The following LINGO2 variants were observed in gnomAD, a reference collection of about 807,000 sequenced individuals.
LINGO2 encodes leucine rich repeat and Ig domain containing 2, also known as leucine-rich repeat and immunoglobulin-like domain-containing nogo receptor-interacting protein 2.
Under a neutral mutation model 30.6 loss-of-function variants are expected in LINGO2, and 14 were observed. That is an observed-to-expected ratio of 0.46 (90% CI 0.30 to 0.72). The LOEUF (loss-of-function observed/expected upper bound fraction) is 0.72, where lower values mean the gene tolerates loss of function less well. LINGO2 is among the 30% of genes least tolerant of loss of function. The pLI is 0.07. For missense variants in LINGO2, 729 were observed against 751.7 expected, an observed-to-expected ratio of 0.97 and a Z score of 0.35; for synonymous variants, 317 against 288.5, an observed-to-expected ratio of 1.10 and a Z score of -1.00.
At chr9:28,508,627 A>G (rs946304011) in intron 1 of LINGO2, among the ~76,000 whole-genome samples, 1 of 151,998 alleles carries the variant, frequency 6.6e-6, no homozygotes, top group African/African-American at 2.4e-5. Flanking sequence ...TTTGTCTTGG[A>G]TTCCACAATA....
chr9:29,043,046 T>C, the LINGO2 span, among the ~76,000 whole-genome samples: 19 of 152,006 alleles, frequency 1.2e-4, no homozygotes, highest in East Asian at 3.5e-3. Context: ...GTATTTATTT[T>C]AGAGCACTAT....
chr9:28,908,454 C>A, the LINGO2 span, among the ~76,000 whole-genome samples: 4 of 151,766 alleles, frequency 2.6e-5, no homozygotes, highest in African/African-American at 9.7e-5. Context: ...AGAAAACAAA[C>A]AACAATACCA....
intron 4 of LINGO2, among the ~76,000 whole-genome samples, chr9:28,078,357 T>TA (rs1416333445): frequency 6.7e-6 from 1 of 148,904 alleles, no homozygotes; most frequent in Non-Finnish European, 1.5e-5. Flanking sequence ...GCAGAATAGG[T>TA]ATTAAAGGAC....
chr9:28,707,518 A>G, the LINGO2 span, among the ~76,000 whole-genome samples: 1 of 152,110 alleles, frequency 6.6e-6, no homozygotes, highest in Admixed American at 6.6e-5. Flanking sequence ...AAACAAAACA[A>G]AACCTGAAAT....
chr9:28,524,494 C>T (rs1820940290), intron 1 of LINGO2, among the ~76,000 whole-genome samples: 2 of 152,064 alleles, frequency 1.3e-5, no homozygotes, highest in Non-Finnish European at 2.9e-5. Flanking sequence ...GTGGCTCACG[C>T]CTGTAATCAC....
chr9:28,912,199 A>G, the LINGO2 span, among the ~76,000 whole-genome samples: 1 of 152,156 alleles, frequency 6.6e-6, no homozygotes, highest in African/African-American at 2.4e-5. Context: ...TAAAGCTAAA[A>G]GCCTATAAAG....
At chr9:28,544,929 G>A (rs931652116) in intron 1 of LINGO2, among the ~76,000 whole-genome samples, 13 of 151,342 alleles carry the variant, frequency 8.6e-5, no homozygotes, top group Non-Finnish European at 1.8e-4. Flanking sequence ...ATTAGAAAAC[G>A]GACTCAGAGG....
At chr9:27,966,148 T>C (rs1820090355) in intron 5 of LINGO2, among the ~76,000 whole-genome samples, 1 of 152,116 alleles carries the variant, frequency 6.6e-6, no homozygotes. Context: ...AAGGAAGTAC[T>C]GAAAACCCTT....
chr9:28,090,816 C>G (rs570912644), intron 4 of LINGO2, among the ~76,000 whole-genome samples: 28 of 152,172 alleles, frequency 1.8e-4, no homozygotes, highest in African/African-American at 6.3e-4. Context: ...CAGAAAACCC[C>G]ATCGTCTTAG....
chr9:28,079,300 C>G (rs916172662), intron 4 of LINGO2, among the ~76,000 whole-genome samples: 1 of 151,994 alleles, frequency 6.6e-6, no homozygotes, highest in Non-Finnish European at 1.5e-5. Flanking sequence ...GGAGAGCATA[C>G]CCAATATGAG....
chr9:29,014,494 T>C, the LINGO2 span, among the ~76,000 whole-genome samples: 2 of 152,062 alleles, frequency 1.3e-5, no homozygotes, highest in Non-Finnish European at 2.9e-5. Flanking sequence ...ACTCACTTTA[T>C]AACACTATGA....
intron 3 of LINGO2, among the ~76,000 whole-genome samples, chr9:28,321,922 AC>A (rs1381256765): frequency 6.6e-6 from 1 of 152,210 alleles, no homozygotes; most frequent in African/African-American, 2.4e-5. Context: ...AAGAAAAAAA[AC>A]AAACTCAACA....
At position 28,402,687 on chromosome 9, in the gene LINGO2, C is replaced by T. The variant is rs138893684; in HGVS notation, c.-278-29819G>A. ...TCTGTTTAGATCAGAATTAACTCTA[C>T]AAAGGTCCTTTTCTAAGGCACACAT... On this transcript the variant is annotated intron_variant, in intron 2 of 5. Transcript: ENST00000379992. Among the ~76,000 whole-genome samples the T allele has an allele frequency of 2.9e-3, 443 of 152,060 alleles. 5 individuals are homozygous for T. The highest frequency in any genetic ancestry group is 3.0e-3 in the Non-Finnish European group (206 of 67,986).
intron 3 of LINGO2, among the ~76,000 whole-genome samples, chr9:28,359,906 A>C (rs1230507962): frequency 6.6e-6 from 1 of 152,172 alleles, no homozygotes; most frequent in Non-Finnish European, 1.5e-5. Context: ...GGGCTGAGGC[A>C]GTGAGGTACA....
Position 28,028,896 on chromosome 9 carries a change from T to A in LINGO2, c.-86-16491A>T, listed in dbSNP as rs148984056. ...AAGCACACATTTGTAATCATCCAAA[T>A]TTTACCTCTTCTGAGCCTATGGAAC... On this transcript the variant is annotated intron_variant, in intron 4 of 5. Transcript: ENST00000379992. Among the ~76,000 whole-genome samples the A allele has an allele frequency of 1.9e-3, 284 of 152,172 alleles. 2 individuals carry two copies. The highest frequency in any genetic ancestry group is 0.014 in the Middle Eastern group (4 of 294).
chr9:27,962,765 G>A (rs1354476564), intron 5 of LINGO2, among the ~76,000 whole-genome samples: 1 of 152,104 alleles, frequency 6.6e-6, no homozygotes, highest in Non-Finnish European at 1.5e-5. Flanking sequence ...CATAATGTCC[G>A]ACTGTGACCA....
At chr9:28,248,803 G>C (rs1822094606) in intron 4 of LINGO2, among the ~76,000 whole-genome samples, 1 of 152,162 alleles carries the variant, frequency 6.6e-6, no homozygotes, top group Non-Finnish European at 1.5e-5. Context: ...ATTCAAGGTA[G>C]ATTTCTCATT....
At chr9:28,655,884 C>A (rs561319428) in intron 1 of LINGO2, among the ~76,000 whole-genome samples, 1 of 152,190 alleles carries the variant, frequency 6.6e-6, no homozygotes, top group East Asian at 1.9e-4. Flanking sequence ...TACTCAGTCC[C>A]AGGTATGTCT....
chr9:28,940,243 G>A, the LINGO2 span, among the ~76,000 whole-genome samples: 5 of 152,108 alleles, frequency 3.3e-5, no homozygotes, highest in African/African-American at 1.2e-4. Flanking sequence ...TCTGTCAGGT[G>A]AGTTCTACCC....
Sources: allele counts gnomAD v4.1 joint callset (sites outside exome capture counted in the v4.1 genomes callset), GRCh38; gene constraint gnomAD v4.1.1; transcripts MANE v1.5; gene names NCBI Gene and HGNC (gene_info 2026-07-23, HGNC 2026-07-21).